TENM2: variants seen among roughly 807,000 people sequenced by gnomAD.
The protein encoded by TENM2 is teneurin-2.
A neutral mutation model predicts 245.2 loss-of-function variants in TENM2; 52 were observed. The ratio of observed to expected loss-of-function variants is 0.21; its 90% CI spans 0.17 to 0.27. TENM2 has a LOEUF of 0.27. Ranked by LOEUF, TENM2 falls within the 10% of genes least tolerant of loss-of-function variation. The pLI, the probability that TENM2 is intolerant of heterozygous loss-of-function variation, is 1.00. For missense variants in TENM2, 3,046 were observed against 3,666.8 expected (o/e 0.83, Z 4.37); for synonymous variants, 1,363 against 1,438.9 (o/e 0.95, Z 1.19).
At chr5:167,316,404 T>C (rs1349255794) in intron 1 of TENM2, among the ~76,000 whole-genome samples, 4 of 152,278 alleles carry the variant, frequency 2.6e-5, no homozygotes, top group East Asian at 1.9e-4. Flanking sequence ...AGATGCAGTA[T>C]TGGGGCCACA....
At chr5:167,945,633 G>T (rs1333352589) in intron 3 of TENM2, among the ~76,000 whole-genome samples, 3 of 152,172 alleles carry the variant, frequency 2.0e-5, no homozygotes, top group Non-Finnish European at 4.4e-5. Context: ...ATTGCTCCTT[G>T]TGACTGTAAT....
chr5:167,062,764 A>C, the TENM2 span, among the ~76,000 whole-genome samples: 1 of 152,194 alleles, frequency 6.6e-6, no homozygotes, highest in Non-Finnish European at 1.5e-5. Flanking sequence ...AAGAAAATAT[A>C]ATAGGGTATT....
the TENM2 span, among the ~76,000 whole-genome samples, chr5:167,082,918 T>C: frequency 6.6e-6 from 1 of 151,908 alleles, no homozygotes; most frequent in African/African-American, 2.4e-5. Context: ...TCAACACAAA[T>C]AATAAGGAAT....
At chr5:167,398,364 T>C (rs1325349476) in intron 2 of TENM2, among the ~76,000 whole-genome samples, 4 of 147,764 alleles carry the variant, frequency 2.7e-5, no homozygotes, top group African/African-American at 1.0e-4. Flanking sequence ...TTTCTTTCTT[T>C]CCTTTCTTTC....
chr5:167,599,339 G>T (rs1463861621), intron 2 of TENM2, among the ~76,000 whole-genome samples: 1 of 151,982 alleles, frequency 6.6e-6, no homozygotes. Context: ...TTTGCAGATG[G>T]GCATTTTAAT....
intron 12 of TENM2, among the ~76,000 whole-genome samples, chr5:168,144,471 A>G (rs1420718875): frequency 6.6e-6 from 1 of 151,800 alleles, no homozygotes; most frequent in Non-Finnish European, 1.5e-5. Context: ...GAGAATGATG[A>G]TTTCCAATTT....
chr5:167,163,900 CAGTCTCCAA>C, the TENM2 span, among the ~76,000 whole-genome samples: 2 of 152,186 alleles, frequency 1.3e-5, no homozygotes, highest in Middle Eastern at 3.2e-3. Context: ...GGCAAAGGTG[CAGTCTCCAA>C]ATCCTCTGTG....
the TENM2 span, among the ~76,000 whole-genome samples, chr5:167,062,547 A>G: frequency 1.3e-5 from 2 of 152,192 alleles, no homozygotes; most frequent in East Asian, 1.9e-4. Context: ...TCAAGGAATT[A>G]TAAGTATTGT....
At chr5:168,051,451 C>A (rs570729590) in intron 6 of TENM2, among the ~76,000 whole-genome samples, 34 of 152,012 alleles carry the variant, frequency 2.2e-4, no homozygotes, top group African/African-American at 8.2e-4. Context: ...ACCATCTGAC[C>A]CTTTAAAAAA....
At chr5:167,790,363 C>T (rs958150964) in intron 2 of TENM2, among the ~76,000 whole-genome samples, 4 of 152,130 alleles carry the variant, frequency 2.6e-5, no homozygotes, top group Non-Finnish European at 4.4e-5. Flanking sequence ...AAGGAACATG[C>T]CCACTGAAAG....
chr5:167,194,981 CTT>C, the TENM2 span, among the ~76,000 whole-genome samples: 4 of 152,036 alleles, frequency 2.6e-5, no homozygotes, highest in Non-Finnish European at 1.5e-5. Flanking sequence ...CCATCACTTA[CTT>C]CCTAAAGGGC....
At chr5:168,149,330 G>A in intron 12 of TENM2, 1 of 456,358 alleles carries the variant, frequency 2.2e-6, no homozygotes, top group Non-Finnish European at 4.4e-6. Flanking sequence ...AAGCAACTTG[G>A]AGAGGAGGGC....
chr5:167,469,935 T>A (rs1315755649), intron 2 of TENM2, among the ~76,000 whole-genome samples: 1 of 152,172 alleles, frequency 6.6e-6, no homozygotes, highest in African/African-American at 2.4e-5. Context: ...ACCATGTTAG[T>A]AGTGTCCACT....
chr5:167,676,364 A>G (rs1756326330), intron 2 of TENM2, among the ~76,000 whole-genome samples: 1 of 152,078 alleles, frequency 6.6e-6, no homozygotes, highest in Non-Finnish European at 1.5e-5. Context: ...ACCAGCTGTC[A>G]AAACGCAAGA....
chr5:167,607,667 C>G (rs895548702), intron 2 of TENM2, among the ~76,000 whole-genome samples: 5 of 152,180 alleles, frequency 3.3e-5, no homozygotes, highest in African/African-American at 1.2e-4. Context: ...TCCTTATTTC[C>G]TTTTACTGAA....
chr5:167,483,062 A>G (rs1767852919), intron 2 of TENM2, among the ~76,000 whole-genome samples: 1 of 152,234 alleles, frequency 6.6e-6, no homozygotes, highest in African/African-American at 2.4e-5. Flanking sequence ...TCCTTGACCC[A>G]GTCACCTAAT....
At chr5:167,725,813 C>T (rs752900917) in intron 2 of TENM2, among the ~76,000 whole-genome samples, 2 of 152,164 alleles carry the variant, frequency 1.3e-5, no homozygotes, top group Non-Finnish European at 2.9e-5. Context: ...AAGCCTTACT[C>T]TCTCGCTTTG....
At chr5:168,162,709 A>C in exon 13 of TENM2, 1 of 1,614,016 alleles carries the variant, frequency 6.2e-7, no homozygotes, top group South Asian at 1.1e-5. Context: ...GCCCGGATGC[A>C]ACGTTGCCAT....
chr5:167,028,214 C>T, the TENM2 span, among the ~76,000 whole-genome samples: 2 of 151,964 alleles, frequency 1.3e-5, no homozygotes, highest in African/African-American at 2.4e-5. Context: ...GGCCCAAGAA[C>T]GTCATTGAAT....
Sources: allele counts gnomAD v4.1 joint callset (sites outside exome capture counted in the v4.1 genomes callset), GRCh38; gene constraint gnomAD v4.1.1; transcripts MANE v1.5; gene names NCBI Gene and HGNC (gene_info 2026-07-23, HGNC 2026-07-21).